DOCK5: variants seen among roughly 807,000 people sequenced by gnomAD.
DOCK5 encodes the protein dedicator of cytokinesis protein 5.
Under a neutral mutation model 251.8 loss-of-function variants are expected in DOCK5, and 142 were observed. That is an observed-to-expected ratio of 0.56 (90% CI 0.49 to 0.65). The LOEUF is 0.65. Among genes scored for constraint, DOCK5 ranks in the 30% least tolerant of loss-of-function variants. DOCK5 has a pLI of 0.00. For missense variants in DOCK5, 2,111 were observed against 2,312.3 expected, an observed-to-expected ratio of 0.91 and a Z score of 1.79; for synonymous variants, 842 against 835.5, an observed-to-expected ratio of 1.01 and a Z score of -0.13.
chr8:25,325,101 G>A (rs1235889497), intron 17 of DOCK5, among the ~76,000 whole-genome samples: 1 of 152,026 alleles, frequency 6.6e-6, no homozygotes, highest in African/African-American at 2.4e-5. Flanking sequence ...ACCTTATTCT[G>A]AAATATGTGT....
At chr8:25,405,331 A>G (rs1801504921) in intron 48 of DOCK5, among the ~76,000 whole-genome samples, 1 of 151,814 alleles carries the variant, frequency 6.6e-6, no homozygotes, top group Non-Finnish European at 1.5e-5. Context: ...ATCCTTTAGA[A>G]TTTATTCTAA....
chr8:25,375,571 C>A, intron 37 of DOCK5: 1 of 517,298 alleles, frequency 1.9e-6, no homozygotes, highest in Non-Finnish European at 2.5e-6. Flanking sequence ...TGACTACCAC[C>A]TTGGTCCATC....
chr8:25,201,925 T>C (rs1454654593), intron 1 of DOCK5, among the ~76,000 whole-genome samples: 1 of 152,156 alleles, frequency 6.6e-6, no homozygotes, highest in Non-Finnish European at 1.5e-5. Flanking sequence ...AAGTTCAGAA[T>C]AGATTTGAGT....
At chr8:25,270,871 T>A in intron 3 of DOCK5, 1 of 696,724 alleles carries the variant, frequency 1.4e-6, no homozygotes, top group Non-Finnish European at 2.6e-6. Context: ...TATTTGCATA[T>A]AACCTCTGCA....
rs1253956554 is a variant in DOCK5 at position 25,213,038 on chromosome 8, C to A, written c.43+28087C>A. On this transcript the variant is annotated intron_variant, in intron 1 of 51. Coordinates refer to ENST00000276440, the MANE Select transcript of DOCK5 (RefSeq NM_024940.8). The stretch of plus-strand genomic sequence containing the variant: ...AGTCTTGGAGGTTGCCTACAATGGT[C>A]ATGGGTGGACGAGTTTGTTGGAAAA... Among the ~76,000 whole-genome samples, 2 of 28,286 alleles carry A rather than the reference C, an allele frequency of 7.1e-5. 1 individual carries two copies. Among genetic ancestry groups the A allele is most frequent in the Non-Finnish European group, 3.4e-4 (2 of 5,860 alleles). The allele number at this position is 28,286 out of a possible 152,430, so 18.6% of individuals were successfully genotyped here. A position where few individuals can be genotyped will look rare whatever the true frequency, so the allele number is the denominator to read the frequency against.
intron 1 of DOCK5, among the ~76,000 whole-genome samples, chr8:25,213,741 G>A (rs772427300): frequency 6.6e-6 from 1 of 152,148 alleles, no homozygotes; most frequent in South Asian, 2.1e-4. Context: ...CATCACAAAC[G>A]CATTTGTTCT....
intron 1 of DOCK5, among the ~76,000 whole-genome samples, chr8:25,216,166 T>A (rs561128744): frequency 6.8e-6 from 1 of 146,620 alleles, no homozygotes; most frequent in Non-Finnish European, 1.5e-5. Flanking sequence ...TATATATGTA[T>A]ACAATATGTG....
chr8:25,286,832 T>A (rs1804347440), intron 5 of DOCK5, among the ~76,000 whole-genome samples: 1 of 151,992 alleles, frequency 6.6e-6, no homozygotes, highest in Non-Finnish European at 1.5e-5. Flanking sequence ...TCTGGCTAAT[T>A]TTTTATTTTT....
At chr8:25,326,574 C>T (rs1805570646) in intron 18 of DOCK5, among the ~76,000 whole-genome samples, 1 of 152,018 alleles carries the variant, frequency 6.6e-6, no homozygotes, top group Non-Finnish European at 1.5e-5. Flanking sequence ...AAACCGTCAG[C>T]AACATACCCC....
intron 1 of DOCK5, among the ~76,000 whole-genome samples, chr8:25,207,114 A>C (rs577769473): frequency 5.3e-5 from 8 of 152,226 alleles, no homozygotes; most frequent in Non-Finnish European, 1.0e-4. Flanking sequence ...AGAGCTTTCT[A>C]TGAATGCAGA....
intron 1 of DOCK5, among the ~76,000 whole-genome samples, chr8:25,240,277 T>TA (rs11314754): frequency 4.9e-3 from 651 of 134,208 alleles, no homozygotes; most frequent in Non-Finnish European, 5.4e-3. Flanking sequence ...TAAATCTACT[T>TA]AAAAAAAAAA....
chr8:25,300,850 C>T (rs1027130084), intron 9 of DOCK5, among the ~76,000 whole-genome samples, 193 bp downstream of exon 9: 4 of 95,272 alleles, frequency 4.2e-5, no homozygotes, highest in Admixed American at 2.1e-4. Context: ...GAGATACATC[C>T]GTGAAAAATC....
rs58427136 is a variant in DOCK5, at chr8:25,412,101, T to TTTTG, written c.*803_*804insTTTG. 1 of 117,550 alleles carries TTTTG rather than the reference T, an allele frequency of 8.5e-6. No individual in the cohort carries two copies. The highest frequency in any genetic ancestry group is 1.8e-5 in the Non-Finnish European group (1 of 56,172). 7.3% of individuals were successfully genotyped at this position (117,550 alleles called of 1,614,324 possible). A position where few individuals can be genotyped will look rare whatever the true frequency, so the allele number is the denominator to read the frequency against. ...GGCTTTTTTTTTTTTTTTTTTTTTT[T>TTTTG]GTCCTATTACCTCCTCTGAGCGCAA... On this transcript the variant is annotated 3_prime_UTR_variant, in exon 52 of 52. Transcript: ENST00000276440.
chr8:25,390,248 C>T lies in DOCK5; in HGVS notation c.4316C>T (p.Pro1439Leu), dbSNP rs917710196. ...FTVKPVMSLP[P>L]SYKDKPVPEQ... ...GTAAAGCCAGTGATGAGCTTGCCGC[C>T]CAGCTACAAGGATAAACCTGTTCCA... is the stretch of plus-strand genomic sequence containing the variant. Residue 1439 changes from proline (P) to leucine (L), a missense_variant, in exon 42 of 52, where the codon CCC becomes CTC. Physicochemically the swap from Pro to Leu is moderately conservative, Grantham distance 98. Around this residue, in one of 3 missense-constraint regions of DOCK5, gnomAD observed 1,717 missense variants for 1,892.4 expected, o/e 0.91. Transcript: ENST00000276440. 1 of 1,593,502 alleles carries T rather than the reference C, an allele frequency of 6.3e-7. No homozygotes were observed. Among genetic ancestry groups the T allele is most frequent in the African/African-American group, 1.3e-5 (1 of 74,600 alleles).
chr8:25,262,253 G>A (rs1269910306), intron 2 of DOCK5, among the ~76,000 whole-genome samples: 1 of 151,848 alleles, frequency 6.6e-6, no homozygotes, highest in African/African-American at 2.4e-5. Context: ...TGCAGTGGGT[G>A]GATAGTATTT....
In DOCK5 at chr8:25,389,113, G is replaced by T. The variant is rs754369486; in HGVS notation, c.4154G>T (p.Gly1385Val). ...CAGAATAAAATCTTCATCTATCGGG[G>T]AAAGGAGTATGAGAGGCGAGAGGAC... ...FLRNKIFIYR[G>V]KEYERREDFS... The change falls in exon 41 of 52, where the codon GGA (glycine) becomes GTA (valine). Residue 1385 changes from glycine to valine, a missense_variant. This residue lies in a region of DOCK5 where 1,717 missense variants were observed against 1,892.4 expected (regional missense o/e 0.91). Coordinates refer to ENST00000276440, the MANE Select transcript of DOCK5 (RefSeq NM_024940.8). 6.2e-7 allele frequency: 1 copy of T among 1,613,916 alleles called. No homozygotes were observed. Among genetic ancestry groups the T allele is most frequent in the Non-Finnish European group, 8.5e-7 (1 of 1,179,854 alleles).
At chr8:25,379,844 A>G (rs1801032424) in intron 38 of DOCK5, among the ~76,000 whole-genome samples, 1 of 34,070 alleles carries the variant, frequency 2.9e-5, no homozygotes, top group Non-Finnish European at 6.3e-5. Flanking sequence ...CAACATCACT[A>G]CACCTACACA....
chr8:25,326,952 A>G lies in DOCK5; in HGVS notation c.1903+1405A>G, dbSNP rs1289180246. 7.9e-5 allele frequency among the ~76,000 whole-genome samples: 12 copies of G among 152,346 alleles called. No homozygotes were observed. The East Asian group carries it at 2.3e-3, about 29-fold the overall frequency. On this transcript the variant is annotated intron_variant, in intron 18 of 51. Coordinates refer to ENST00000276440, the MANE Select transcript of DOCK5 (RefSeq NM_024940.8). ...CACGGTGAACTTTTTAACACTATAT[A>G]CAGTATGATCCCAGTTTTATTTAAG...
intron 16 of DOCK5, among the ~76,000 whole-genome samples, chr8:25,322,856 C>T (rs746283527): frequency 6.6e-6 from 1 of 152,126 alleles, no homozygotes; most frequent in South Asian, 2.1e-4. Flanking sequence ...TAAGGAGGTG[C>T]AATTCAAGGG....
Sources: gnomAD v4.1 joint callset for allele counts (sites outside exome capture counted in the v4.1 genomes callset) on GRCh38, gnomAD v4.1.1 for gene constraint, gnomAD v4.1.1 regional missense constraint, MANE v1.5 for transcripts, NCBI Gene and HGNC (gene_info 2026-07-23, HGNC 2026-07-21) for gene names.